Variants in FOXP1 observed in about 807,000 individuals in gnomAD.
FOXP1 encodes forkhead box P1.
In FOXP1, 15 loss-of-function variants were observed where a neutral mutation model predicts 98.2. That is an observed-to-expected ratio of 0.15 (90% confidence interval 0.10 to 0.24). FOXP1 has a LOEUF of 0.24. FOXP1 is among the 10% of genes least tolerant of loss of function. The pLI is 1.00. For missense variants in FOXP1, 633 were observed against 848.5 expected (o/e 0.75, Z 3.15); for synonymous variants, 371 against 314.5 (o/e 1.18, Z -1.90).
At chr3:71,333,255 G>C (rs1193080533) in intron 4 of FOXP1, 1 of 152,168 alleles carries the variant, frequency 6.6e-6, no homozygotes, top group Non-Finnish European at 1.5e-5. Flanking sequence ...CCAAGTAGTA[G>C]AAAGTAACCC....
chr3:71,415,375 C>T (rs910173133), intron 3 of FOXP1, among the ~76,000 whole-genome samples: 3 of 152,042 alleles, frequency 2.0e-5, no homozygotes, highest in African/African-American at 7.2e-5. Flanking sequence ...CTGTTGATAA[C>T]AAAATATGTT....
At chr3:71,141,724 T>C (rs1048026673) in intron 6 of FOXP1, among the ~76,000 whole-genome samples, 1 of 151,870 alleles carries the variant, frequency 6.6e-6, no homozygotes, top group Non-Finnish European at 1.5e-5. Flanking sequence ...GAGTAAGACA[T>C]CAGCAATCAA....
At chr3:71,432,027 T>C (rs2084764505) in intron 3 of FOXP1, among the ~76,000 whole-genome samples, 2 of 152,224 alleles carry the variant, frequency 1.3e-5, no homozygotes, top group Admixed American at 6.5e-5. Context: ...GCAGGATCCC[T>C]TAAGGCTGCT....
rs377200675 is a variant in FOXP1, at chr3:71,241,269, A to G, written c.-11-42877T>C. On this transcript the variant is annotated intron_variant, in intron 5 of 20. Transcript: ENST00000649528. ...AAAAAAACTTTTACCTCCAATTACCATAAGGGAGCACAGGAAATTCACTAC... is the reference window on the plus strand; with the variant it reads ...AAAAAAACTTTTACCTCCAATTACCGTAAGGGAGCACAGGAAATTCACTAC... Among the ~76,000 whole-genome samples, 24 of 152,268 alleles carry G rather than the reference A, an allele frequency of 1.6e-4. No homozygotes were observed. In the East Asian group the frequency reaches 2.7e-3, roughly 17 times the overall value.
chr3:70,966,702 C>T (rs555868304), intron 19 of FOXP1, among the ~76,000 whole-genome samples: 4 of 152,210 alleles, frequency 2.6e-5, no homozygotes, highest in African/African-American at 7.2e-5. Flanking sequence ...GATTTTAGGA[C>T]TAAAGAACTC....
chr3:71,056,755 G>C (rs543988600), intron 7 of FOXP1, among the ~76,000 whole-genome samples: 1 of 151,936 alleles, frequency 6.6e-6, no homozygotes, highest in East Asian at 1.9e-4. Flanking sequence ...ATGAAAAGAG[G>C]TTATGGAAAA....
chr3:71,085,749 T>TTTTTTTTTTTTTTTTTTTTTTTTTTTA (rs2055006693), intron 7 of FOXP1, among the ~76,000 whole-genome samples: 1 of 139,450 alleles, frequency 7.2e-6, no homozygotes, highest in Non-Finnish European at 1.5e-5. Context: ...TTTTTTTTTT[T>TTTTTTTTTTTTTTTTTTTTTTTTTTTA]ACATGGAGTC....
At chr3:71,136,281 C>T (rs1347033237) in intron 6 of FOXP1, among the ~76,000 whole-genome samples, 1 of 152,104 alleles carries the variant, frequency 6.6e-6, no homozygotes, top group Non-Finnish European at 1.5e-5. Flanking sequence ...TAGAAGCTAC[C>T]CTTTCCTGTT....
At chr3:71,020,982 T>C (rs960868741) in intron 11 of FOXP1, among the ~76,000 whole-genome samples, 1 of 152,224 alleles carries the variant, frequency 6.6e-6, no homozygotes, top group African/African-American at 2.4e-5. Flanking sequence ...TAAATTAAAT[T>C]ACAGAAGACT....
intron 3 of FOXP1, among the ~76,000 whole-genome samples, chr3:71,475,581 G>A (rs1375955803): frequency 2.0e-5 from 3 of 152,098 alleles, no homozygotes; most frequent in Admixed American, 6.5e-5. Context: ...AGTGACTCAC[G>A]CCTGTAATCC....
chr3:71,021,306 A>G (rs1329462505), intron 11 of FOXP1, among the ~76,000 whole-genome samples: 2 of 152,180 alleles, frequency 1.3e-5, no homozygotes, highest in Non-Finnish European at 2.9e-5. Context: ...ATGTTCTTTT[A>G]TGCCTGGCTT....
intron 4 of FOXP1, among the ~76,000 whole-genome samples, chr3:71,318,846 C>T (rs533791678): frequency 2.0e-5 from 3 of 152,202 alleles, no homozygotes; most frequent in East Asian, 3.9e-4. Flanking sequence ...CAGAGTAAAA[C>T]AAAGAGAAGT....
At chr3:71,148,638 A>G (rs557343810) in intron 6 of FOXP1, among the ~76,000 whole-genome samples, 7 of 152,352 alleles carry the variant, frequency 4.6e-5, no homozygotes, top group African/African-American at 1.7e-4. Flanking sequence ...CTTATTGCTT[A>G]AGTGATTATG....
chr3:71,187,774 G>A (rs1443293088), intron 6 of FOXP1, among the ~76,000 whole-genome samples: 1 of 152,046 alleles, frequency 6.6e-6, no homozygotes, highest in Non-Finnish European at 1.5e-5. Flanking sequence ...AATTCCTACT[G>A]AGTTGAAATG....
intron 3 of FOXP1, among the ~76,000 whole-genome samples, chr3:71,455,792 T>C (rs890848665): frequency 6.6e-6 from 1 of 152,182 alleles, no homozygotes; most frequent in South Asian, 2.1e-4. Context: ...AAAAGAGCTA[T>C]TAGTGATAGT....
At chr3:71,455,815 T>G (rs2087429647) in intron 3 of FOXP1, among the ~76,000 whole-genome samples, 1 of 152,228 alleles carries the variant, frequency 6.6e-6, no homozygotes, top group Non-Finnish European at 1.5e-5. Flanking sequence ...CGGGTGGGTA[T>G]GGGGTGACAG....
rs2049051920 is a variant in FOXP1 at position 71,046,479 on chromosome 3, T to A, written c.664+463A>T. On this transcript the variant is annotated intron_variant, in intron 10 of 20. Coordinates refer to ENST00000649528, the MANE Select transcript of FOXP1 (RefSeq NM_001349338.3). ...GAGAAAGTGGTTGATTTCTATCGTT[T>A]ACAGAAAAATAAACCTGAATTTATC... Among the ~76,000 whole-genome samples, 3 of 152,212 alleles carry A rather than the reference T, an allele frequency of 2.0e-5. No individual in the cohort carries two copies. In the South Asian group the frequency reaches 6.2e-4, roughly 31 times the overall value.
intron 7 of FOXP1, among the ~76,000 whole-genome samples, chr3:71,060,672 T>C (rs779911892): frequency 5.3e-5 from 8 of 152,094 alleles, no homozygotes; most frequent in Non-Finnish European, 7.4e-5. Flanking sequence ...AGACATCAAA[T>C]AGAATTGGGA....
chr3:71,124,072 C>T (rs1261910395), intron 6 of FOXP1, among the ~76,000 whole-genome samples: 1 of 151,258 alleles, frequency 6.6e-6, no homozygotes, highest in Non-Finnish European at 1.5e-5. Flanking sequence ...CAGCATCATG[C>T]AACATACCCA....
Sources: gnomAD v4.1 joint callset for allele counts (sites outside exome capture counted in the v4.1 genomes callset) on GRCh38, gnomAD v4.1.1 for gene constraint, MANE v1.5 for transcripts, NCBI Gene and HGNC (gene_info 2026-07-23, HGNC 2026-07-21) for gene names.